Variants in FBXO44 observed in about 807,000 individuals in gnomAD.
FBXO44 encodes the protein F-box only protein 44.
In FBXO44, 25 loss-of-function variants were observed where a neutral mutation model predicts 33.5. The ratio of observed to expected loss-of-function variants is 0.75; its 90% CI spans 0.54 to 1.04. The LOEUF is 1.04. FBXO44 is among the 50% of genes least tolerant of loss of function. FBXO44 has a pLI of 0.00. For missense variants in FBXO44, 311 were observed against 344.0 expected (o/e 0.90, Z 0.76); for synonymous variants, 147 against 152.8 (o/e 0.96, Z 0.28).
At chr1:11,658,988 C>G in intron 5 of FBXO44, 117 bp downstream of exon 5, 1 of 1,291,764 alleles carries the variant, frequency 7.7e-7, no homozygotes, top group Non-Finnish European at 1.1e-6. Context: ...TTCCAATGCT[C>G]TGAGCTTCAC....
At chr1:11,654,822 G>GC (rs1198921206), upstream of FBXO44, 1 of 106,778 alleles carries the variant, frequency 9.4e-6, no homozygotes, top group African/African-American at 3.3e-5. Flanking sequence ...CCAGCGCTGC[G>GC]CGGGGCGGGG....
At chr1:11,655,612 G>C in intron 1 of FBXO44, 194 bp from the exon 2 acceptor site, 1 of 602,666 alleles carries the variant, frequency 1.7e-6, no homozygotes, top group Non-Finnish European at 2.9e-6. Context: ...TCTATTGTGA[G>C]AGGCCAGAGA....
chr1:11,659,486 G>GT (rs1476896262), intron 5 of FBXO44, among the ~76,000 whole-genome samples: 2 of 151,674 alleles, frequency 1.3e-5, no homozygotes, highest in Admixed American at 6.6e-5. Flanking sequence ...GCAAATATTT[G>GT]TTTGTTTGTT....
intron 2 of FBXO44, among the ~76,000 whole-genome samples, chr1:11,657,198 TATA>T (rs1208614935): frequency 3.9e-5 from 6 of 152,288 alleles, no homozygotes; most frequent in Admixed American, 1.3e-4. Context: ...TTTAAAGTGT[TATA>T]AAAAGAAGAA....
rs1242826435 is a variant in FBXO44 at position 11,658,974 on chromosome 1, G to A, written c.624+103G>A. The A allele has an allele frequency of 4.9e-6, 7 of 1,431,034 alleles. No homozygotes were observed. In the East Asian group the frequency reaches 1.4e-4, roughly 29 times the overall value. 88.6% of individuals were successfully genotyped at this position (1,431,034 alleles called of 1,614,324 possible). ...ATCCAAGCTCTGCACCTTCTCACCTGTGCTTCCAATGCTCTGAGCTTCACT... is the reference window on the plus strand; with the variant it reads ...ATCCAAGCTCTGCACCTTCTCACCTATGCTTCCAATGCTCTGAGCTTCACT... On this transcript the variant is annotated intron_variant, in intron 5 of 5. Transcript: ENST00000251547.
In FBXO44 at chr1:11,658,803, G is replaced by A. The variant is rs748590247; in HGVS notation, c.556G>A (p.Ala186Thr). ...LCVQLLSSAH[A>T]PLGTFQPDPA... The stretch of plus-strand genomic sequence containing the variant: ...CGTTCAGCTCCTGTCGTCCGCGCAC[G>A]CGCCTCTGGGGACCTTCCAGCCAGA... The change falls in exon 5 of 6, where the codon GCG (alanine) becomes ACG (threonine). Residue 186 changes from alanine to threonine, a missense_variant. Coordinates refer to ENST00000251547, the MANE Select transcript of FBXO44 (RefSeq NM_033182.7). 10 of 1,613,736 alleles carry A rather than the reference G, an allele frequency of 6.2e-6. No homozygotes were observed. The highest frequency in any genetic ancestry group is 3.3e-5 in the Admixed American group (2 of 60,024).
chr1:11,654,826 G>GGCGGGGCGCGGGGCGCGGGGC (rs554807702), upstream of FBXO44: 2 of 144,358 alleles, frequency 1.4e-5, no homozygotes, highest in African/African-American at 5.0e-5. Context: ...CGCTGCGCGG[G>GGCGGGGCGCGGGGCGCGGGGC]GCGGGGCGCG....
At chr1:11,657,939 A>G (rs1187723643) in intron 2 of FBXO44, among the ~76,000 whole-genome samples, 8 of 152,120 alleles carry the variant, frequency 5.3e-5, no homozygotes, top group African/African-American at 1.9e-4. Flanking sequence ...AGGAAAAGCA[A>G]CTGGTCCAAG....
intron 2 of FBXO44, among the ~76,000 whole-genome samples, chr1:11,656,710 G>A (rs1324003936): frequency 6.6e-6 from 1 of 152,110 alleles, no homozygotes; most frequent in Admixed American, 6.5e-5. Flanking sequence ...TGATCTGCCC[G>A]CCTTGGCCTC....
intron 5 of FBXO44, 143 bp from the exon 6 acceptor site, chr1:11,660,987 C>T (rs1243521576): frequency 2.8e-5 from 23 of 809,566 alleles, no homozygotes; most frequent in South Asian, 5.4e-5. Context: ...CTCTGGTTTG[C>T]GACAAGACTA....
chr1:11,656,459 G>A (rs1335580317), intron 2 of FBXO44, among the ~76,000 whole-genome samples: 2 of 129,402 alleles, frequency 1.5e-5, no homozygotes, highest in Non-Finnish European at 1.7e-5. Context: ...CACCACACCT[G>A]GCTAATTTTT....
At chr1:11,659,279 G>A (rs1395080226) in intron 5 of FBXO44, among the ~76,000 whole-genome samples, 1 of 152,176 alleles carries the variant, frequency 6.6e-6, no homozygotes, top group African/African-American at 2.4e-5. Flanking sequence ...TTGGGAGGCT[G>A]AGGCAGAAGA....
chr1:11,661,609 T>C lies in FBXO44; in HGVS notation c.*336T>C. 2.9e-6 allele frequency: 1 copy of C among 344,774 alleles called. No individual in the cohort carries two copies. Among genetic ancestry groups the C allele is most frequent in the Non-Finnish European group, 5.3e-6 (1 of 187,544 alleles). 21.4% of individuals were successfully genotyped at this position (344,774 alleles called of 1,614,324 possible). Reference sequence around the variant, plus strand: ...AGGCCAGCCTGGATCTGTCTCTCCCTTCCCCTCCTGGGACCATTCTACCTG... The same window carrying C: ...AGGCCAGCCTGGATCTGTCTCTCCCCTCCCCTCCTGGGACCATTCTACCTG... On this transcript the variant is annotated 3_prime_UTR_variant, in exon 6 of 6. Transcript: ENST00000251547. The surrounding 1 kb of genome is among the most constrained non-coding windows in gnomAD (Gnocchi z 4.4).
upstream of FBXO44, chr1:11,654,472 G>C (rs996289653): frequency 5.5e-6 from 5 of 902,210 alleles, no homozygotes; most frequent in South Asian, 1.9e-4. Context: ...CCCCCGACCC[G>C]ACCCGCCCCG....
intron 5 of FBXO44, among the ~76,000 whole-genome samples, chr1:11,659,174 G>C (rs889555955): frequency 4.6e-5 from 7 of 152,206 alleles, no homozygotes; most frequent in African/African-American, 1.7e-4. Context: ...GATCACCTGA[G>C]GTTGGGAGTT....
chr1:11,656,985 G>A (rs1044334736), intron 2 of FBXO44, among the ~76,000 whole-genome samples: 8 of 152,156 alleles, frequency 5.3e-5, no homozygotes, highest in Non-Finnish European at 8.8e-5. Flanking sequence ...TTCTCAGTAT[G>A]TTACAACAAC....
chr1:11,655,683 C>T, intron 1 of FBXO44, 123 bp from the exon 2 acceptor site: 2 of 1,020,006 alleles, frequency 2.0e-6, no homozygotes, highest in African/African-American at 1.6e-5. Context: ...CTTGGACCGC[C>T]CCAGTGACCC....
rs750684404 is a variant in FBXO44, at chr1:11,658,644, G to A, written c.488+16G>A. 32 of 1,612,684 alleles carry A rather than the reference G, an allele frequency of 2.0e-5. No individual in the cohort carries two copies. In the African/African-American group the frequency reaches 2.7e-4, roughly 13 times the overall value. On this transcript the variant is annotated intron_variant, in intron 4 of 5. Coordinates refer to ENST00000251547, the MANE Select transcript of FBXO44 (RefSeq NM_033182.7). ...TCAAGGACTGGTGAGTGCCTGGGGCGAGGGTCTGGGGTGGGGCATGCCAAT... is the reference window on the plus strand; with the variant it reads ...TCAAGGACTGGTGAGTGCCTGGGGCAAGGGTCTGGGGTGGGGCATGCCAAT...
chr1:11,659,246 G>C lies in FBXO44; in HGVS notation c.624+375G>C, dbSNP rs116444721. Among the ~76,000 whole-genome samples, 5 of 152,288 alleles carry C rather than the reference G, an allele frequency of 3.3e-5. No homozygotes were observed. In the South Asian group the frequency reaches 1.0e-3, roughly 32 times the overall value. Reference sequence around the variant, plus strand: ...TTACTAAAAATACAAAATTACCCAGGCGTGGTGGCACATGCCAGCTACTTG... The same window carrying C: ...TTACTAAAAATACAAAATTACCCAGCCGTGGTGGCACATGCCAGCTACTTG... On this transcript the variant is annotated intron_variant, in intron 5 of 5. Transcript: ENST00000251547.
Sources: allele counts gnomAD v4.1 joint callset (sites outside exome capture counted in the v4.1 genomes callset), GRCh38; gene constraint gnomAD v4.1.1; non-coding constraint Gnocchi (gnomAD v3.1); transcripts MANE v1.5; gene names NCBI Gene and HGNC (gene_info 2026-07-23, HGNC 2026-07-21).